ORC3: variants seen among roughly 807,000 people sequenced by gnomAD.
The protein encoded by ORC3 is origin recognition complex subunit 3, also known as homolog of latheo, Drosophila.
A neutral mutation model predicts 100.7 loss-of-function variants in ORC3; 78 were observed. That is an observed-to-expected ratio of 0.77 (90% CI 0.65 to 0.94). ORC3 has a LOEUF of 0.94. ORC3 is among the 40% of genes least tolerant of loss of function. The pLI, the probability that ORC3 is intolerant of heterozygous loss-of-function variation, is 0.00. For missense variants in ORC3, 789 were observed against 823.9 expected (o/e 0.96, Z 0.52); for synonymous variants, 295 against 289.3 (o/e 1.02, Z -0.20).
At chr6:87,675,739 C>T in the ORC3 span, 1 of 1,445,430 alleles carries the variant, frequency 6.9e-7, no homozygotes, top group Non-Finnish European at 9.6e-7. Context: ...CTGCCTATTT[C>T]CTCCATACAT....
At chr6:87,594,661 A>T (rs757847470) in intron 2 of ORC3, 24 of 736,382 alleles carry the variant, frequency 3.3e-5, no homozygotes, top group Non-Finnish European at 4.1e-5. Context: ...CTATTCTTTA[A>T]AAGAGATTGT....
chr6:87,603,455 A>G lies in ORC3; in HGVS notation c.249A>G (p.Gly83=). ...AATTTCTGCAAAAATCACATTCTGGATTCCAGAAGAATTCAAGAGACTTGG... is the reference window on the plus strand; with the variant it reads ...AATTTCTGCAAAAATCACATTCTGGGTTCCAGAAGAATTCAAGAGACTTGG... ...LIEFLQKSHS[G]FQKNSRDLGG... Residue 83 remains glycine (G), a synonymous_variant, in exon 4 of 20, where the codon GGA becomes GGG. Coordinates refer to ENST00000392844, the MANE Select transcript of ORC3 (RefSeq NM_012381.4). The G allele has an allele frequency of 6.5e-7, 1 of 1,535,430 alleles. No homozygotes were observed. Among genetic ancestry groups the G allele is most frequent in the East Asian group, 2.3e-5 (1 of 44,298 alleles).
chr6:87,603,539 G>A lies in ORC3; in HGVS notation c.322+11G>A, dbSNP rs2307364. 1.2e-5 allele frequency: 18 copies of A among 1,453,892 alleles called. No homozygotes were observed. Among genetic ancestry groups the A allele is most frequent in the Middle Eastern group, 3.7e-4 (2 of 5,414 alleles). The allele number at this position is 1,453,892 out of a possible 1,614,324, so 90.1% of individuals were successfully genotyped here. A position where few individuals can be genotyped will look rare whatever the true frequency, so the allele number is the denominator to read the frequency against. On this transcript the variant is annotated intron_variant, in intron 4 of 19. Transcript: ENST00000392844. ...CTGCTCTTGTTCTTGGTATATATGC[G>A]TATGTTTGTTCATGCATGCATCTCT... is the stretch of plus-strand genomic sequence containing the variant.
chr6:87,603,772 A>G (rs1778141910), intron 4 of ORC3, among the ~76,000 whole-genome samples: 1 of 152,114 alleles, frequency 6.6e-6, no homozygotes, highest in South Asian at 2.1e-4. Context: ...GTTCTCCCCA[A>G]CTTTTGGTCG....
downstream of ORC3, among the ~76,000 whole-genome samples, chr6:87,670,893 A>G (rs755264705): frequency 3.4e-4 from 51 of 152,184 alleles, no homozygotes; most frequent in Non-Finnish European, 5.9e-4. Context: ...CATTGAGATG[A>G]CGTTTGTGCA....
intron 11 of ORC3, among the ~76,000 whole-genome samples, chr6:87,627,629 A>G (rs1023233775): frequency 1.3e-5 from 2 of 151,498 alleles, no homozygotes; most frequent in Admixed American, 6.6e-5. Context: ...ATAAAGATGT[A>G]TATACATTTT....
At chr6:87,633,811 G>A (rs779544219) in intron 11 of ORC3, among the ~76,000 whole-genome samples, 13 of 152,084 alleles carry the variant, frequency 8.5e-5, no homozygotes, top group Non-Finnish European at 1.5e-4. Context: ...GGTTATAAAA[G>A]GAATTGAGGC....
chr6:87,630,013 T>TA (rs1038528536), intron 11 of ORC3, among the ~76,000 whole-genome samples: 3 of 151,908 alleles, frequency 2.0e-5, no homozygotes, highest in Admixed American at 2.0e-4. Context: ...AACATACATT[T>TA]AAAAAAAATG....
chr6:87,676,596 A>AACACACACACACACAC, the ORC3 span, among the ~76,000 whole-genome samples: 2,395 of 142,046 alleles, frequency 0.017, 43 homozygotes, highest in African/African-American at 0.052. Flanking sequence ...CTCTACTAAA[A>AACACACACACACACAC]ACACACACAC....
At chr6:87,626,949 A>G (rs1241105640) in intron 11 of ORC3, among the ~76,000 whole-genome samples, 1 of 152,068 alleles carries the variant, frequency 6.6e-6, no homozygotes, top group Non-Finnish European at 1.5e-5. Flanking sequence ...TTTCACTCAT[A>G]AAAATTAAGA....
intron 13 of ORC3, among the ~76,000 whole-genome samples, chr6:87,645,272 G>A (rs546096023): frequency 6.6e-6 from 1 of 152,238 alleles, no homozygotes; most frequent in Admixed American, 6.5e-5. Context: ...TCAGGGCTAG[G>A]GTGCTGAGGA....
chr6:87,676,632 T>C, the ORC3 span, among the ~76,000 whole-genome samples: 1,318 of 119,070 alleles, frequency 0.011, 22 homozygotes, highest in African/African-American at 0.045. Context: ...CACACAAACA[T>C]AGCTGGGCAT....
chr6:87,611,099 G>A (rs549408232), intron 7 of ORC3, among the ~76,000 whole-genome samples: 1 of 151,626 alleles, frequency 6.6e-6, no homozygotes, highest in Admixed American at 6.6e-5. Flanking sequence ...ACCATGCCCG[G>A]CTAATTTTTG....
intron 13 of ORC3, among the ~76,000 whole-genome samples, chr6:87,644,446 C>T (rs913837392): frequency 9.9e-5 from 15 of 152,040 alleles, no homozygotes; most frequent in African/African-American, 3.6e-4. Flanking sequence ...GTGGCTCATG[C>T]CTATAATCCC....
chr6:87,649,899 A>G (rs1769110994), intron 13 of ORC3, among the ~76,000 whole-genome samples: 1 of 152,030 alleles, frequency 6.6e-6, no homozygotes, highest in South Asian at 2.1e-4. Context: ...TCATACACAT[A>G]TATTATAATG....
chr6:87,673,849 AAGT>A, the ORC3 span, among the ~76,000 whole-genome samples: 2 of 151,716 alleles, frequency 1.3e-5, no homozygotes, highest in Non-Finnish European at 2.9e-5. Flanking sequence ...CAAAAAAAAA[AAGT>A]AGGGGGGAAG....
At chr6:87,640,540 AC>A (rs1338036647) in intron 13 of ORC3, among the ~76,000 whole-genome samples, 3 of 152,296 alleles carry the variant, frequency 2.0e-5, no homozygotes, top group Non-Finnish European at 4.4e-5. Flanking sequence ...TTTTCACTCA[AC>A]CCTGTGTCAT....
At position 87,610,301 on chromosome 6, in the gene ORC3, C is replaced by T. The variant is rs117217116; in HGVS notation, c.713+1072C>T. Among the ~76,000 whole-genome samples the T allele has an allele frequency of 9.3e-3, 1,413 of 152,010 alleles. 13 individuals are homozygous for T. The highest frequency in any genetic ancestry group is 0.014 in the Non-Finnish European group (959 of 67,948). On this transcript the variant is annotated intron_variant, in intron 7 of 19. Coordinates refer to ENST00000392844, the MANE Select transcript of ORC3 (RefSeq NM_012381.4). ...TCAACTCCCTGCCACCTCCGCCTCC[C>T]GGGTTCAAGCAGTTCTCATGCCTCA...
chr6:87,673,996 G>A, the ORC3 span, among the ~76,000 whole-genome samples: 1 of 151,844 alleles, frequency 6.6e-6, no homozygotes, highest in Non-Finnish European at 1.5e-5. Context: ...TTGGTGAAAT[G>A]TAATTACCAA....
Sources: gnomAD v4.1 joint callset for allele counts (sites outside exome capture counted in the v4.1 genomes callset) on GRCh38, gnomAD v4.1.1 for gene constraint, MANE v1.5 for transcripts, NCBI Gene and HGNC (gene_info 2026-07-23, HGNC 2026-07-21) for gene names.